Variants in FBN2 observed in about 807,000 individuals in gnomAD.
FBN2 encodes the protein fibrillin-2.
FBN2 carries 105 observed loss-of-function variants against 355.6 expected under a neutral mutation model. The observed-to-expected ratio is 0.30, with a 90% confidence interval of 0.25 to 0.35. FBN2 has a LOEUF of 0.35. FBN2 is among the 10% of genes least tolerant of loss of function. The probability of loss-of-function intolerance (pLI) is 1.00; values close to 1 mark genes in which losing one functional copy is unlikely to be tolerated. For missense variants in FBN2, 3,280 were observed against 3,758.7 expected, an observed-to-expected ratio of 0.87 and a Z score of 3.33; for synonymous variants, 1,350 against 1,301.2, an observed-to-expected ratio of 1.04 and a Z score of -0.81.
intron 42 of FBN2, 147 bp downstream of exon 42, chr5:128,306,988 C>T (rs770892263): frequency 1.6e-6 from 1 of 642,662 alleles, no homozygotes; most frequent in African/African-American, 1.8e-5. Context: ...AGTCTGTAAG[C>T]CTGTTATTTC....
In FBN2 at chr5:128,516,014, C is replaced by A. The variant is rs144295310; in HGVS notation, c.628+3259G>T. The stretch of plus-strand genomic sequence containing the variant: ...TTCCATTACAAAAGATTTCAACAAT[C>A]CTTTAAGTCAAAAAAGTTGAAAGAA... On this transcript the variant is annotated intron_variant, in intron 5 of 64. Transcript: ENST00000262464. 4.5e-4 allele frequency among the ~76,000 whole-genome samples: 69 copies of A among 152,278 alleles called. No homozygotes were observed. In the East Asian group the frequency reaches 0.012, roughly 27 times the overall value.
chr5:128,376,606 A>T (rs1752083558), intron 14 of FBN2, 125 bp downstream of exon 14: 2 of 1,161,426 alleles, frequency 1.7e-6, no homozygotes, highest in Admixed American at 3.4e-5. Flanking sequence ...GCCTTAGTGA[A>T]TTAGCAAGAA....
At chr5:128,424,453 T>G (rs1753434724) in intron 7 of FBN2, among the ~76,000 whole-genome samples, 1 of 152,080 alleles carries the variant, frequency 6.6e-6, no homozygotes, top group Non-Finnish European at 1.5e-5. Flanking sequence ...GGAAGGATAT[T>G]TTTTAGAATG....
At chr5:128,353,041 C>T (rs1751408977) in intron 20 of FBN2, among the ~76,000 whole-genome samples, 1 of 151,924 alleles carries the variant, frequency 6.6e-6, no homozygotes, top group African/African-American at 2.4e-5. Context: ...GGAGTGATGG[C>T]ACATGCCTGT....
In FBN2 at chr5:128,419,425, A is replaced by G. The variant is rs139869055; in HGVS notation, c.953-10626T>C. 2.2e-4 allele frequency among the ~76,000 whole-genome samples: 33 copies of G among 152,302 alleles called. No homozygotes were observed. In the East Asian group the frequency reaches 6.2e-3, roughly 29 times the overall value. On this transcript the variant is annotated intron_variant, in intron 7 of 64. Coordinates refer to ENST00000262464, the MANE Select transcript of FBN2 (RefSeq NM_001999.4). ...AGCATTAATTCTTTCACCATTAAGT[A>G]TGATGTTAGTTGTAGTTTTTCATAG... is the stretch of plus-strand genomic sequence containing the variant.
At chr5:128,273,456 T>A (rs1279781341) in intron 61 of FBN2, among the ~76,000 whole-genome samples, 2 of 152,232 alleles carry the variant, frequency 1.3e-5, no homozygotes, top group African/African-American at 4.8e-5. Context: ...GATGACAGAT[T>A]CTTTTTATAT....
intron 34 of FBN2, among the ~76,000 whole-genome samples, chr5:128,319,457 T>C (rs945230976): frequency 2.6e-5 from 4 of 151,788 alleles, no homozygotes; most frequent in African/African-American, 9.7e-5. Context: ...ATTGGAGATA[T>C]TAAAATTAAC....
chr5:128,408,779 T>A lies in FBN2; in HGVS notation c.973A>T (p.Ile325Phe), dbSNP rs748879016. The change falls in exon 8 of 65, where the codon ATT becomes TTT. Residue 325 changes from isoleucine to phenylalanine, a missense_variant. Physicochemically the swap from Ile to Phe is conservative, Grantham distance 21. Coordinates refer to ENST00000262464, the MANE Select transcript of FBN2 (RefSeq NM_001999.4). ...TCACCAGTTTCACATATCCCAGGAA[T>A]GATGCTGCACTCATCAATGTCTAAT... is the stretch of plus-strand genomic sequence containing the variant. Reference protein sequence around the residue: ...KCEDIDECSIIPGICETGECS... With the variant: ...KCEDIDECSIFPGICETGECS... 1.2e-6 allele frequency: 2 copies of A among 1,614,018 alleles called. No individual in the cohort carries two copies. The highest frequency in any genetic ancestry group is 3.3e-5 in the Admixed American group (2 of 60,030).
At position 128,464,794 on chromosome 5, in the gene FBN2, C is replaced by A. The variant is rs565550310; in HGVS notation, c.756G>T (p.Glu252Asp). 1.2e-6 allele frequency: 2 copies of A among 1,614,192 alleles called. No individual in the cohort carries two copies. The highest frequency in any genetic ancestry group is 1.7e-6 in the Non-Finnish European group (2 of 1,180,026). Residue 252 changes from glutamate (E) to aspartate (D), a missense_variant, in exon 6 of 65, where the codon GAG becomes GAT. Glu to Asp is a conservative substitution (Grantham distance 45). This residue lies in a region of FBN2 where 343 missense variants were observed against 331.0 expected (regional missense o/e 1.04). Transcript: ENST00000262464. ...TIGRAWGHPC[E>D]MCPAQPQPCR... ...AGGGCTGAGGCTGGGCTGGACACAT[C>A]TCACAGGGATGGCCCCACGCCCGTC...
At chr5:128,431,520 C>T (rs1753628266) in intron 7 of FBN2, among the ~76,000 whole-genome samples, 3 of 152,202 alleles carry the variant, frequency 2.0e-5, no homozygotes, top group Non-Finnish European at 4.4e-5. Context: ...GCAAAACCAG[C>T]ACAAATTTCT....
intron 5 of FBN2, among the ~76,000 whole-genome samples, chr5:128,469,524 C>G (rs958303172): frequency 8.5e-5 from 6 of 70,874 alleles, no homozygotes; most frequent in Middle Eastern, 5.3e-3. Flanking sequence ...CAGCAAGACT[C>G]CGTCTCAAAA....
At chr5:128,340,218 A>G (rs903212458) in intron 25 of FBN2, among the ~76,000 whole-genome samples, 1 of 152,202 alleles carries the variant, frequency 6.6e-6, no homozygotes, top group Non-Finnish European at 1.5e-5. Flanking sequence ...ATGCCCCACT[A>G]CGATCTCTTT....
At chr5:128,385,294 G>A (rs952293080) in intron 11 of FBN2, among the ~76,000 whole-genome samples, 5 of 152,094 alleles carry the variant, frequency 3.3e-5, no homozygotes, top group African/African-American at 1.2e-4. Context: ...ACTTACAAAT[G>A]AGAACATATG....
intron 7 of FBN2, among the ~76,000 whole-genome samples, chr5:128,417,730 G>A (rs1473892872): frequency 1.3e-5 from 2 of 152,108 alleles, no homozygotes; most frequent in African/African-American, 4.8e-5. Flanking sequence ...TCTTTCTGAT[G>A]TGCTGTTGGA....
At chr5:128,503,243 G>A (rs1755864039) in intron 5 of FBN2, among the ~76,000 whole-genome samples, 1 of 152,188 alleles carries the variant, frequency 6.6e-6, no homozygotes, top group Admixed American at 6.5e-5. Context: ...CAGACATGTG[G>A]AAATGTGAGT....
intron 11 of FBN2, among the ~76,000 whole-genome samples, chr5:128,383,613 T>C (rs1231568253): frequency 6.6e-6 from 1 of 151,976 alleles, no homozygotes; most frequent in Non-Finnish European, 1.5e-5. Context: ...CCCTCAAAAC[T>C]CAATAAGAAA....
chr5:128,533,946 G>T (rs1756780177), intron 2 of FBN2, among the ~76,000 whole-genome samples: 1 of 151,504 alleles, frequency 6.6e-6, no homozygotes, highest in Non-Finnish European at 1.5e-5. Context: ...AATTTTTCTA[G>T]GCTACAACTA....
intron 48 of FBN2, 90 bp downstream of exon 48, chr5:128,300,727 A>G (rs908414129): frequency 2.4e-6 from 3 of 1,274,972 alleles, no homozygotes; most frequent in Admixed American, 1.7e-5. Context: ...GCATGCTTGC[A>G]GTGGTTGGCA....
At chr5:128,287,629 G>A (rs1431694085) in intron 53 of FBN2, among the ~76,000 whole-genome samples, 199 bp from the exon 54 acceptor site, 6 of 152,122 alleles carry the variant, frequency 3.9e-5, no homozygotes, top group African/African-American at 1.4e-4. Flanking sequence ...AATATAAAAA[G>A]TACCTGAAGT....
Sources: allele counts gnomAD v4.1 joint callset (sites outside exome capture counted in the v4.1 genomes callset), GRCh38; gene constraint gnomAD v4.1.1; regional missense constraint gnomAD v4.1.1; transcripts MANE v1.5; gene names NCBI Gene and HGNC (gene_info 2026-07-23, HGNC 2026-07-21).